PLXNA2: variants seen among roughly 807,000 people sequenced by gnomAD.
PLXNA2 encodes the protein plexin-A2.
PLXNA2 carries 91 observed loss-of-function variants against 193.5 expected under a neutral mutation model. That is an observed-to-expected ratio of 0.47 (90% CI 0.40 to 0.56). The LOEUF is 0.56. PLXNA2 is among the 20% of genes least tolerant of loss of function. The probability of loss-of-function intolerance (pLI) is 0.00; values close to 1 mark genes in which losing one functional copy is unlikely to be tolerated. For missense variants in PLXNA2, 1,995 were observed against 2,503.2 expected (o/e 0.80, Z 4.33); for synonymous variants, 997 against 1,027.3 (o/e 0.97, Z 0.56).
At chr1:208,088,715 C>T (rs1240768816) in intron 9 of PLXNA2, among the ~76,000 whole-genome samples, 1 of 152,192 alleles carries the variant, frequency 6.6e-6, no homozygotes, top group Non-Finnish European at 1.5e-5. Context: ...TCAGTTTCCT[C>T]CTCTATAAAA....
chr1:208,129,735 G>C (rs1668090649), intron 4 of PLXNA2, among the ~76,000 whole-genome samples: 2 of 152,118 alleles, frequency 1.3e-5, no homozygotes, highest in African/African-American at 4.8e-5. Context: ...TGTAATCCCA[G>C]CACTCTGCAT....
chr1:208,125,975 A>G (rs1667964285), intron 4 of PLXNA2, among the ~76,000 whole-genome samples: 1 of 152,194 alleles, frequency 6.6e-6, no homozygotes, highest in Non-Finnish European at 1.5e-5. Context: ...AGGAAAGACA[A>G]CATGGAGATG....
chr1:208,148,043 C>T (rs1668651158), intron 3 of PLXNA2, among the ~76,000 whole-genome samples: 2 of 152,122 alleles, frequency 1.3e-5, no homozygotes, highest in African/African-American at 2.4e-5. Flanking sequence ...AATAGTAACC[C>T]CATTAGTACC....
intron 4 of PLXNA2, among the ~76,000 whole-genome samples, chr1:208,119,936 T>C (rs1667753290): frequency 6.6e-6 from 1 of 152,160 alleles, no homozygotes; most frequent in Non-Finnish European, 1.5e-5. Context: ...TTCTAATCCT[T>C]AGGGACATTT....
chr1:208,232,679 G>T (rs995292621), intron 1 of PLXNA2, among the ~76,000 whole-genome samples: 1 of 152,202 alleles, frequency 6.6e-6, no homozygotes, highest in Non-Finnish European at 1.5e-5. Context: ...TCTCAGTTCA[G>T]AGGGGTCTGC....
chr1:208,032,216 G>C, intron 28 of PLXNA2: 1 of 820,460 alleles, frequency 1.2e-6, no homozygotes, highest in Non-Finnish European at 1.5e-6. Flanking sequence ...TTAGTGACCT[G>C]AGACAAGTGG....
chr1:208,163,645 C>T (rs1669204899), intron 3 of PLXNA2, among the ~76,000 whole-genome samples: 1 of 152,216 alleles, frequency 6.6e-6, no homozygotes, highest in Non-Finnish European at 1.5e-5. Context: ...CCCCAGGAAG[C>T]TTTTCCTGAT....
At chr1:208,188,432 G>A (rs188031173) in intron 3 of PLXNA2, among the ~76,000 whole-genome samples, 95 of 152,296 alleles carry the variant, frequency 6.2e-4, no homozygotes, top group Middle Eastern at 3.4e-3. Flanking sequence ...ATATAGGCTG[G>A]GCGCAGTGGC....
At chr1:208,184,423 A>AAG (rs1484834241) in intron 3 of PLXNA2, among the ~76,000 whole-genome samples, 3 of 130,786 alleles carry the variant, frequency 2.3e-5, no homozygotes, top group Admixed American at 1.5e-4. Context: ...CCCCCTGCTT[A>AAG]AAAAAAAAAA....
chr1:208,184,014 A>T (rs972417238), intron 3 of PLXNA2, among the ~76,000 whole-genome samples: 4 of 152,222 alleles, frequency 2.6e-5, no homozygotes, highest in African/African-American at 4.8e-5. Flanking sequence ...AGCCACATGT[A>T]GCTAGTGGCT....
chr1:208,233,405 G>A (rs1671751626), intron 1 of PLXNA2, among the ~76,000 whole-genome samples: 1 of 152,094 alleles, frequency 6.6e-6, no homozygotes, highest in African/African-American at 2.4e-5. Context: ...CCATCCCCAG[G>A]CCAGACATGG....
Position 208,044,535 on chromosome 1 carries a change from A to G in PLXNA2, c.3847T>C (p.Ser1283Pro). The G allele has an allele frequency of 6.2e-7, 1 of 1,613,916 alleles. No homozygotes were observed. The highest frequency in any genetic ancestry group is 8.5e-7 in the Non-Finnish European group (1 of 1,179,936). The change falls in exon 20 of 32, where the codon TCC (serine) becomes CCC (proline). Residue 1283 changes from serine (S) to proline (P), a missense_variant. By Grantham distance (74) the Ser-to-Pro change is moderately conservative. Transcript: ENST00000367033. This position sits in a 1 kb window ranked among gnomAD's most constrained non-coding sequence, Gnocchi z 4.9. The part of the protein sequence containing the change: ...RLQMQMDNLE[S>P]RVALECKEAF... ...TCCTTGCACTCCAAGGCCACACGGG[A>G]CTCCAGATTGTCCATCTGCATTTGC...
chr1:208,232,662 G>C (rs1671725553), intron 1 of PLXNA2, among the ~76,000 whole-genome samples: 1 of 152,212 alleles, frequency 6.6e-6, no homozygotes, highest in Admixed American at 6.5e-5. Flanking sequence ...GCAGAGAATT[G>C]ACCAAATCTC....
At position 208,161,944 on chromosome 1, in the gene PLXNA2, G is replaced by A. The variant is rs145845384; in HGVS notation, c.1372-19481C>T. Among the ~76,000 whole-genome samples the A allele has an allele frequency of 3.4e-3, 517 of 152,362 alleles. 1 individual carries two copies. The highest frequency in any genetic ancestry group is 0.012 in the African/African-American group (487 of 41,572). ...CCACAGTAAAAGGAGGAGTCTGAAT[G>A]TGGCCTGGGTGCCTGGCAGGGTAGG... On this transcript the variant is annotated intron_variant, in intron 3 of 31. Transcript: ENST00000367033.
intron 3 of PLXNA2, among the ~76,000 whole-genome samples, chr1:208,145,563 C>G (rs1237759117): frequency 6.6e-6 from 1 of 152,220 alleles, no homozygotes; most frequent in Admixed American, 6.5e-5. Flanking sequence ...GCCTGCACAC[C>G]AAGTCAGAAG....
chr1:208,241,741 C>A (rs1672058503), intron 1 of PLXNA2, among the ~76,000 whole-genome samples: 1 of 152,182 alleles, frequency 6.6e-6, no homozygotes, highest in African/African-American at 2.4e-5. Flanking sequence ...CATTGCCCTC[C>A]CTTTATCAGC....
At chr1:208,090,228 T>C (rs1666665131) in intron 9 of PLXNA2, among the ~76,000 whole-genome samples, 1 of 151,974 alleles carries the variant, frequency 6.6e-6, no homozygotes, top group Non-Finnish European at 1.5e-5. Context: ...CACACGAGCA[T>C]AAGAGAGCAG....
chr1:208,098,918 A>G lies in PLXNA2; in HGVS notation c.1659T>C (p.Ala553=). The change falls in exon 6 of 32, where the codon GCT becomes GCC. Residue 553 remains alanine, a synonymous_variant. Coordinates refer to ENST00000367033, the MANE Select transcript of PLXNA2 (RefSeq NM_025179.4). ...CQQAWEPNRF[A]ASISQCVSLA... The stretch of plus-strand genomic sequence containing the variant: ...GGCTCACACACTGGCTGATGCTGGC[A>G]GCAAATCGATTAGGTTCCCAGGCCT... 6.2e-7 allele frequency: 1 copy of G among 1,613,886 alleles called. No individual in the cohort carries two copies. The highest frequency in any genetic ancestry group is 8.5e-7 in the Non-Finnish European group (1 of 1,179,980).
intron 29 of PLXNA2, chr1:208,029,667 C>G (rs1664442533): frequency 2.0e-6 from 2 of 987,036 alleles, no homozygotes; most frequent in East Asian, 2.3e-4. Flanking sequence ...TTGTTGGCAT[C>G]CTGGGAATGA....
Sources: allele counts gnomAD v4.1 joint callset (sites outside exome capture counted in the v4.1 genomes callset), GRCh38; gene constraint gnomAD v4.1.1; non-coding constraint Gnocchi (gnomAD v3.1); transcripts MANE v1.5; gene names NCBI Gene and HGNC (gene_info 2026-07-23, HGNC 2026-07-21).